Variants in SASH1 observed in about 807,000 individuals in gnomAD.
The protein encoded by SASH1 is SAM and SH3 domain-containing protein 1.
In SASH1, 44 loss-of-function variants were observed where a neutral mutation model predicts 125.2. That is an observed-to-expected ratio of 0.35 (90% confidence interval 0.28 to 0.45). The LOEUF is 0.45. Ranked by LOEUF, SASH1 falls within the 20% of genes least tolerant of loss-of-function variation. The probability of loss-of-function intolerance (pLI) is 1.00; values close to 1 mark genes in which losing one functional copy is unlikely to be tolerated. For missense variants in SASH1, 1,426 were observed against 1,614.5 expected, an observed-to-expected ratio of 0.88 and a Z score of 2.00; for synonymous variants, 639 against 649.1, an observed-to-expected ratio of 0.98 and a Z score of 0.24.
intron 1 of SASH1, among the ~76,000 whole-genome samples, chr6:148,349,252 CTTTTTTT>C (rs11317386): frequency 4.5e-4 from 21 of 47,038 alleles, no homozygotes; most frequent in African/African-American, 1.1e-3. Context: ...TTCTTTCTTT[CTTTTTTT>C]TTTTTTTTTT....
chr6:148,302,770 G>GTA (rs1167117228), intron 1 of SASH1, among the ~76,000 whole-genome samples: 1 of 140,208 alleles, frequency 7.1e-6, no homozygotes, highest in Non-Finnish European at 1.6e-5. Flanking sequence ...TACTGTGTGT[G>GTA]TGTATATATA....
At chr6:148,370,695 C>T (rs1037598703) in intron 1 of SASH1, among the ~76,000 whole-genome samples, 21 of 151,918 alleles carry the variant, frequency 1.4e-4, no homozygotes, top group African/African-American at 4.3e-4. Context: ...TGGTGACGGG[C>T]GCCTGTAGTC....
the SASH1 span, among the ~76,000 whole-genome samples, chr6:148,194,741 A>G: frequency 1.6e-4 from 25 of 152,306 alleles, no homozygotes; most frequent in East Asian, 4.8e-3. Flanking sequence ...CCCCGTCTCT[A>G]CTAAAAATAC....
intron 1 of SASH1, among the ~76,000 whole-genome samples, chr6:148,312,116 A>G (rs981956152): frequency 2.6e-5 from 4 of 152,212 alleles, no homozygotes; most frequent in African/African-American, 9.6e-5. Flanking sequence ...AAATCAGATC[A>G]GTGTTTTCTG....
At chr6:148,366,642 G>T (rs999300713) in intron 1 of SASH1, among the ~76,000 whole-genome samples, 1 of 152,170 alleles carries the variant, frequency 6.6e-6, no homozygotes, top group African/African-American at 2.4e-5. Flanking sequence ...TTGTTGCCCA[G>T]GCTGGAGTGC....
chr6:148,206,272 T>A, the SASH1 span, among the ~76,000 whole-genome samples: 1 of 152,082 alleles, frequency 6.6e-6, no homozygotes, highest in East Asian at 1.9e-4. Context: ...GAAACATACC[T>A]TCATAATGGA....
the SASH1 span, among the ~76,000 whole-genome samples, chr6:148,198,237 G>T: frequency 6.6e-6 from 1 of 152,220 alleles, no homozygotes; most frequent in East Asian, 1.9e-4. Context: ...TTTGCCTTCC[G>T]CCATGATTGT....
At chr6:148,392,783 C>T (rs574504891) in intron 2 of SASH1, among the ~76,000 whole-genome samples, 7 of 152,218 alleles carry the variant, frequency 4.6e-5, no homozygotes, top group Non-Finnish European at 7.3e-5. Context: ...GGGAGCCTGA[C>T]GCCTTGGCCC....
At chr6:148,467,698 G>A (rs915931050) in intron 4 of SASH1, among the ~76,000 whole-genome samples, 4 of 152,208 alleles carry the variant, frequency 2.6e-5, no homozygotes, top group Admixed American at 6.5e-5. Context: ...GCACTTTGGG[G>A]GGCCGAGGCA....
At chr6:148,399,214 C>CTTTTTTT (rs371374910) in intron 2 of SASH1, among the ~76,000 whole-genome samples, 15 of 106,676 alleles carry the variant, frequency 1.4e-4, no homozygotes, top group African/African-American at 4.4e-4. Context: ...ATTTCAGCTT[C>CTTTTTTT]TTTTTTTTTT....
At chr6:148,328,187 G>A (rs992786263) in intron 1 of SASH1, among the ~76,000 whole-genome samples, 7 of 152,260 alleles carry the variant, frequency 4.6e-5, no homozygotes, top group East Asian at 1.9e-4. Context: ...GACTACAGGC[G>A]TGCTGTGCCT....
chr6:148,495,473 T>C lies in SASH1; in HGVS notation c.729+7758T>C, dbSNP rs1248182448. 6.6e-6 allele frequency among the ~76,000 whole-genome samples: 1 copy of C among 152,240 alleles called. No individual in the cohort carries two copies. Among genetic ancestry groups the C allele is most frequent in the Non-Finnish European group, 1.5e-5 (1 of 68,040 alleles). On this transcript the variant is annotated intron_variant, in intron 8 of 19. Coordinates refer to ENST00000367467, the MANE Select transcript of SASH1 (RefSeq NM_015278.5). This position sits in a 1 kb window ranked among gnomAD's most constrained non-coding sequence, Gnocchi z 4.0. ...TATTTTATTTTATTTTTTACTAGAG[T>C]AACTTTTAGACACTAGGTTAAAATT...
rs1335310987 is a variant in SASH1, at chr6:148,532,307, A to G, written c.1565-490A>G. On this transcript the variant is annotated intron_variant, in intron 13 of 19. Transcript: ENST00000367467. The surrounding 1 kb of genome is among the most constrained non-coding windows in gnomAD (Gnocchi z 4.7). ...CTGGTGGAACTCCTGGACTCAAGCG[A>G]TCTGCCCACCTCGGCCTCCTAAAGT... is the stretch of plus-strand genomic sequence containing the variant. Among the ~76,000 whole-genome samples, 4 of 152,150 alleles carry G rather than the reference A, an allele frequency of 2.6e-5. No individual in the cohort carries two copies. Among genetic ancestry groups the G allele is most frequent in the Non-Finnish European group, 5.9e-5 (4 of 68,034 alleles).
At chr6:148,253,815 G>A in the SASH1 span, among the ~76,000 whole-genome samples, 1 of 151,878 alleles carries the variant, frequency 6.6e-6, no homozygotes, top group African/African-American at 2.4e-5. Flanking sequence ...GAGGATGCAG[G>A]GAACTGAGAT....
At chr6:148,259,230 A>G in the SASH1 span, among the ~76,000 whole-genome samples, 2 of 152,202 alleles carry the variant, frequency 1.3e-5, no homozygotes, top group East Asian at 3.9e-4. Context: ...AAGTTAAAAC[A>G]GAACCATCAG....
At chr6:148,315,820 C>A (rs1208561181) in intron 1 of SASH1, among the ~76,000 whole-genome samples, 2 of 152,176 alleles carry the variant, frequency 1.3e-5, no homozygotes, top group Admixed American at 1.3e-4. Context: ...AGAAGGATCA[C>A]TTGAGCCTGG....
At chr6:148,370,985 T>G (rs1453603407) in intron 1 of SASH1, among the ~76,000 whole-genome samples, 1 of 152,138 alleles carries the variant, frequency 6.6e-6, no homozygotes, top group African/African-American at 2.4e-5. Context: ...GAAAACACAA[T>G]TGGTGAAGGA....
At chr6:148,391,220 C>T (rs1209678587) in intron 2 of SASH1, among the ~76,000 whole-genome samples, 2 of 151,840 alleles carry the variant, frequency 1.3e-5, no homozygotes, top group African/African-American at 4.8e-5. Flanking sequence ...AGTGATTCTC[C>T]TGCCTCAGCC....
At chr6:148,510,422 G>A (rs940464327) in intron 8 of SASH1, among the ~76,000 whole-genome samples, 7 of 152,064 alleles carry the variant, frequency 4.6e-5, no homozygotes, top group African/African-American at 1.7e-4. Flanking sequence ...ACAAGGGAGG[G>A]GAGGCCACAC....
Sources: gnomAD v4.1 joint callset for allele counts (sites outside exome capture counted in the v4.1 genomes callset) on GRCh38, gnomAD v4.1.1 for gene constraint, Gnocchi (gnomAD v3.1) non-coding constraint, MANE v1.5 for transcripts, NCBI Gene and HGNC (gene_info 2026-07-23, HGNC 2026-07-21) for gene names.